The following ZNF726 variants were observed in gnomAD, a reference collection of about 807,000 sequenced individuals.
The protein encoded by ZNF726 is zinc finger protein 92 pseudogene 3.
A neutral mutation model predicts 11.6 loss-of-function variants in ZNF726; 15 were observed. The ratio of observed to expected loss-of-function variants is 1.29; its 90% confidence interval spans 0.86 to 1.99. The LOEUF is 1.99. Ranked by LOEUF, ZNF726 falls within the 30% of genes most tolerant of loss-of-function variation. The pLI is 0.00. For missense variants in ZNF726, 890 were observed against 725.6 expected (o/e 1.23, Z -2.60); for synonymous variants, 295 against 243.6 (o/e 1.21, Z -1.96).
chr19:23,933,127 A>C lies in ZNF726; in HGVS notation c.1011A>C (p.Gly337=), dbSNP rs541606947. The change falls in exon 4 of 4, where the codon GGA becomes GGC. Residue 337 remains glycine (G), a synonymous_variant. Coordinates refer to ENST00000594466, the MANE Select transcript of ZNF726 (RefSeq NM_001244038.2). ...CTAGACATAAGAGGCTGCACAGTGG[A>C]GAGAAACCCTACAAATGTGAAGAAT... The part of the protein sequence containing the change: ...TLTRHKRLHS[G]EKPYKCEECA... 65 of 1,611,846 alleles carry C rather than the reference A, an allele frequency of 4.0e-5. No individual in the cohort carries two copies. The South Asian group carries it at 6.6e-4, about 16-fold the overall frequency.
At chr19:23,920,768 G>C (rs1444428323) in intron 3 of ZNF726, 1 of 148,622 alleles carries the variant, frequency 6.7e-6, no homozygotes, top group African/African-American at 2.5e-5. Context: ...TTTTTTGTTT[G>C]TTTGTTTTTC....
At chr19:23,929,878 A>G (rs1188123780) in intron 3 of ZNF726, among the ~76,000 whole-genome samples, 2 of 152,172 alleles carry the variant, frequency 1.3e-5, no homozygotes, top group East Asian at 1.9e-4. Flanking sequence ...CTATATTTGT[A>G]TATTTACATT....
In ZNF726 at chr19:23,934,226, A is replaced by G. The variant is rs1968187926; in HGVS notation, c.*259A>G. 4.5e-6 allele frequency: 3 copies of G among 669,920 alleles called. No individual in the cohort carries two copies. Among genetic ancestry groups the G allele is most frequent in the African/African-American group, 1.8e-5 (1 of 55,756 alleles). The allele number at this position is 669,920 out of a possible 1,614,324, so 41.5% of individuals were successfully genotyped here. Reference sequence around the variant, plus strand: ...TTCATACTGGAAATAAACCCTACAAATGTGAAAAATGTGGCAAAGCATATG... The same window carrying G: ...TTCATACTGGAAATAAACCCTACAAGTGTGAAAAATGTGGCAAAGCATATG... On this transcript the variant is annotated 3_prime_UTR_variant, in exon 4 of 4. Transcript: ENST00000594466.
intron 3 of ZNF726, among the ~76,000 whole-genome samples, chr19:23,941,138 A>C (rs1331768397): frequency 6.6e-6 from 1 of 152,080 alleles, no homozygotes; most frequent in Non-Finnish European, 1.5e-5. Context: ...CTTTTATTAC[A>C]TGAAGTTGTG....
chr19:23,929,828 T>C (rs1049960575), intron 3 of ZNF726, among the ~76,000 whole-genome samples: 1 of 152,178 alleles, frequency 6.6e-6, no homozygotes, highest in South Asian at 2.1e-4. Flanking sequence ...CAGAATAGCT[T>C]TAAGAGTTAT....
chr19:23,915,226 G>C (rs1967668281), intron 1 of ZNF726, among the ~76,000 whole-genome samples: 1 of 152,138 alleles, frequency 6.6e-6, no homozygotes, highest in Admixed American at 6.5e-5. Flanking sequence ...CCCTGGCCTG[G>C]AGCCCTCTTT....
At chr19:23,934,835 G>A (rs1056603484), downstream of ZNF726, among the ~76,000 whole-genome samples, 1 of 152,240 alleles carries the variant, frequency 6.6e-6, no homozygotes, top group African/African-American at 2.4e-5. Context: ...ATCTGGCACA[G>A]TGCCTGGGCA....
At chr19:23,942,009 G>T (rs1374662600) in intron 3 of ZNF726, among the ~76,000 whole-genome samples, 2 of 151,718 alleles carry the variant, frequency 1.3e-5, no homozygotes, top group Non-Finnish European at 2.9e-5. Flanking sequence ...TTTCTGCTGG[G>T]TTTGGGTTTG....
chr19:23,934,537 C>G (rs1405799535), downstream of ZNF726: 2 of 360,886 alleles, frequency 5.5e-6, no homozygotes. Flanking sequence ...ATTCTGTTCA[C>G]TGTTCAGAAT....
chr19:23,917,812 A>AT (rs1221185336), intron 1 of ZNF726, among the ~76,000 whole-genome samples: 1 of 151,978 alleles, frequency 6.6e-6, no homozygotes, highest in Non-Finnish European at 1.5e-5. Context: ...AATTTTGCTG[A>AT]TTTTTTCTAA....
intron 3 of ZNF726, among the ~76,000 whole-genome samples, chr19:23,932,097 G>T (rs1045913981): frequency 3.9e-5 from 6 of 152,144 alleles, no homozygotes; most frequent in Admixed American, 2.0e-4. Context: ...CTTCTATGTG[G>T]TTTTTTGCAT....
At chr19:23,918,332 A>G (rs1461911502) in intron 1 of ZNF726, among the ~76,000 whole-genome samples, 3 of 152,218 alleles carry the variant, frequency 2.0e-5, no homozygotes, top group Non-Finnish European at 4.4e-5. Context: ...CGATTAAGAA[A>G]AGGCTCATTT....
Position 23,926,329 on chromosome 19 carries a change from C to T in ZNF726, c.227-6014C>T, listed in dbSNP as rs544229858. On this transcript the variant is annotated intron_variant, in intron 3 of 3. Coordinates refer to ENST00000594466, the MANE Select transcript of ZNF726 (RefSeq NM_001244038.2). ...CAGCGCTTTGAGAGGCTGAGGTGGG[C>T]GGATCATAAGGACAGGAGTTCAAGA... Among the ~76,000 whole-genome samples, 23 of 151,840 alleles carry T rather than the reference C, an allele frequency of 1.5e-4. No homozygotes were observed. The South Asian group carries it at 3.3e-3, about 22-fold the overall frequency.
chr19:23,937,834 C>T (rs1057076796), downstream of ZNF726, among the ~76,000 whole-genome samples: 1 of 152,234 alleles, frequency 6.6e-6, no homozygotes, highest in Non-Finnish European at 1.5e-5. Flanking sequence ...GATCACGCCA[C>T]TGCACTCCAG....
chr19:23,939,988 G>A (rs1027651636), intron 3 of ZNF726, among the ~76,000 whole-genome samples: 10 of 148,932 alleles, frequency 6.7e-5, no homozygotes, highest in South Asian at 2.2e-4. Flanking sequence ...TGTTTACTCC[G>A]CTGACTGTTT....
chr19:23,914,893 T>C lies in ZNF726; in HGVS notation c.-102T>C, dbSNP rs1192162647. 4 of 1,548,460 alleles carry C rather than the reference T, an allele frequency of 2.6e-6. No homozygotes were observed. The highest frequency in any genetic ancestry group is 1.1e-5 in the South Asian group (1 of 86,976). ...GGATTTGGCGGGGCCTTTGTCTCTA[T>C]CTGCGGCCGGAGCTCCAGGTCTCGT... On this transcript the variant is annotated 5_prime_UTR_variant, in exon 1 of 4. Transcript: ENST00000594466.
At chr19:23,928,476 G>T (rs1056877145) in intron 3 of ZNF726, 1 of 152,052 alleles carries the variant, frequency 6.6e-6, no homozygotes, top group Non-Finnish European at 1.5e-5. Flanking sequence ...TTGGAGCCCT[G>T]ATATTGTACA....
chr19:23,932,236 G>A, intron 3 of ZNF726, 107 bp from the exon 4 acceptor site: 2 of 874,884 alleles, frequency 2.3e-6, no homozygotes, highest in South Asian at 4.8e-5. Context: ...GTGGTATTTT[G>A]CAAAACCATC....
chr19:23,938,042 A>C (rs927355327), downstream of ZNF726, among the ~76,000 whole-genome samples: 1 of 152,164 alleles, frequency 6.6e-6, no homozygotes, highest in African/African-American at 2.4e-5. Flanking sequence ...AACCTATTCC[A>C]CCTTACTCAA....
Sources: allele counts gnomAD v4.1 joint callset (sites outside exome capture counted in the v4.1 genomes callset), GRCh38; gene constraint gnomAD v4.1.1; transcripts MANE v1.5; gene names NCBI Gene and HGNC (gene_info 2026-07-23, HGNC 2026-07-21).